ADGRL3: variants seen among roughly 807,000 people sequenced by gnomAD.
The protein encoded by ADGRL3 is adhesion G protein-coupled receptor L3, also known as calcium-independent alpha-latrotoxin receptor 3.
ADGRL3 carries 62 observed loss-of-function variants against 153.5 expected under a neutral mutation model. That is an observed-to-expected ratio of 0.40 (90% confidence interval 0.33 to 0.50). ADGRL3 has a LOEUF of 0.50. Ranked by LOEUF, ADGRL3 falls within the 20% of genes least tolerant of loss-of-function variation. The probability of loss-of-function intolerance (pLI) is 0.47; values close to 1 mark genes in which losing one functional copy is unlikely to be tolerated. For missense variants in ADGRL3, 1,641 were observed against 1,859.4 expected (o/e 0.88, Z 2.16); for synonymous variants, 710 against 672.5 (o/e 1.06, Z -0.86).
chr4:61,915,204 G>GT (rs1278539424), intron 13 of ADGRL3, among the ~76,000 whole-genome samples: 2 of 149,794 alleles, frequency 1.3e-5, no homozygotes, highest in African/African-American at 4.9e-5. Flanking sequence ...TTTTTCTAAG[G>GT]TTTTGGGGAA....
chr4:61,373,471 G>A (rs1015807231), intron 1 of ADGRL3, among the ~76,000 whole-genome samples: 1 of 151,950 alleles, frequency 6.6e-6, no homozygotes, highest in African/African-American at 2.4e-5. Flanking sequence ...ATTGTTAAGG[G>A]GGAAAGTAGA....
In ADGRL3 at chr4:61,270,962, AAAG is replaced by A. The variant is rs1470086048; in HGVS notation, c.-240+69202_-240+69204del. Among the ~76,000 whole-genome samples, 6 of 151,820 alleles carry A rather than the reference AAAG, an allele frequency of 4.0e-5. No homozygotes were observed. The South Asian group carries it at 1.0e-3, about 26-fold the overall frequency. On this transcript the variant is annotated intron_variant, in intron 1 of 26. Coordinates refer to ENST00000683033, the MANE Select transcript of ADGRL3 (RefSeq NM_001387552.1). ...AGCTGAGGAAACCTGTGGTTACAGG[AAAG>A]AAGAGTAAACAGTATCAGTTATTGA...
chr4:61,526,582 A>G (rs1482091023), intron 4 of ADGRL3, among the ~76,000 whole-genome samples: 1 of 151,978 alleles, frequency 6.6e-6, no homozygotes. Flanking sequence ...GTTTGAAACC[A>G]GCCTAGGTAA....
chr4:61,799,093 A>G (rs2097456378), intron 8 of ADGRL3, among the ~76,000 whole-genome samples: 1 of 148,554 alleles, frequency 6.7e-6, no homozygotes, highest in South Asian at 2.1e-4. Context: ...GGATAGATAG[A>G]TAGATAGATA....
chr4:61,541,382 G>T (rs1236651779), intron 4 of ADGRL3, among the ~76,000 whole-genome samples: 1 of 143,736 alleles, frequency 7.0e-6, no homozygotes, highest in Non-Finnish European at 1.5e-5. Flanking sequence ...TGACACCTGG[G>T]CAAGTAACAT....
chr4:61,978,218 CAT>C (rs2099054732), intron 17 of ADGRL3, among the ~76,000 whole-genome samples: 1 of 152,062 alleles, frequency 6.6e-6, no homozygotes, highest in Non-Finnish European at 1.5e-5. Context: ...TTCCCATGTA[CAT>C]GTTTATACTT....
chr4:61,578,727 A>G (rs1157636488), intron 4 of ADGRL3, among the ~76,000 whole-genome samples: 2 of 152,046 alleles, frequency 1.3e-5, no homozygotes, highest in Non-Finnish European at 1.5e-5. Flanking sequence ...TTTCATCTTT[A>G]AAGACCAACT....
chr4:61,403,908 T>C (rs1229601023), intron 2 of ADGRL3, among the ~76,000 whole-genome samples: 4 of 152,040 alleles, frequency 2.6e-5, no homozygotes, highest in African/African-American at 4.8e-5. Context: ...TTGAGAATAA[T>C]AGTAGTATAG....
intron 1 of ADGRL3, among the ~76,000 whole-genome samples, chr4:61,339,684 A>C (rs892865981): frequency 6.6e-6 from 1 of 152,258 alleles, no homozygotes; most frequent in Non-Finnish European, 1.5e-5. Context: ...AATTCTTTTG[A>C]ATTTGTTCTA....
intron 9 of ADGRL3, among the ~76,000 whole-genome samples, chr4:61,885,869 C>T (rs2098535747): frequency 6.6e-6 from 1 of 152,054 alleles, no homozygotes; most frequent in Non-Finnish European, 1.5e-5. Context: ...CTAAATTAGA[C>T]AGCACATATG....
intron 19 of ADGRL3, among the ~76,000 whole-genome samples, chr4:61,990,952 C>CTGTG (rs34294452): frequency 0.089 from 12,618 of 142,210 alleles, 586 homozygotes; most frequent in Non-Finnish European, 0.097. Flanking sequence ...ATGTTTGAAA[C>CTGTG]TGTGTGTGTG....
intron 1 of ADGRL3, among the ~76,000 whole-genome samples, chr4:61,265,017 G>A (rs538159631): frequency 4.2e-4 from 64 of 151,944 alleles, no homozygotes; most frequent in Non-Finnish European, 6.9e-4. Context: ...AGGCAAGAGA[G>A]CATTCGTAGG....
Position 61,977,838 on chromosome 4 carries a change from G to A in ADGRL3, c.2806-1725G>A, listed in dbSNP as rs190485235. Among the ~76,000 whole-genome samples the A allele has an allele frequency of 3.9e-5, 6 of 152,118 alleles. No individual in the cohort carries two copies. The East Asian group carries it at 1.2e-3, about 30-fold the overall frequency. On this transcript the variant is annotated intron_variant, in intron 17 of 26. Coordinates refer to ENST00000683033, the MANE Select transcript of ADGRL3 (RefSeq NM_001387552.1). ...ATTCATGGGGTACATGGGCAGGTTT[G>A]TTACATAGGTGTATTGTGTGATGCT...
chr4:61,681,233 C>T (rs377657237), intron 6 of ADGRL3, among the ~76,000 whole-genome samples: 44 of 152,202 alleles, frequency 2.9e-4, no homozygotes, highest in African/African-American at 1.0e-3. Flanking sequence ...AATAAAACAA[C>T]TAACCACCTA....
intron 15 of ADGRL3, among the ~76,000 whole-genome samples, chr4:61,946,495 A>G (rs531002447): frequency 1.3e-5 from 2 of 151,886 alleles, no homozygotes; most frequent in African/African-American, 2.4e-5. Flanking sequence ...TGTTTTCTTA[A>G]TGATATATTT....
chr4:61,580,035 T>C (rs1031738851), intron 4 of ADGRL3, among the ~76,000 whole-genome samples: 2 of 152,104 alleles, frequency 1.3e-5, no homozygotes, highest in Non-Finnish European at 2.9e-5. Flanking sequence ...TACATGTATT[T>C]AAGAAAATTA....
Position 61,655,097 on chromosome 4 carries a change from G to A in ADGRL3, c.474-21729G>A, listed in dbSNP as rs1426064852. Among the ~76,000 whole-genome samples, 4 of 151,946 alleles carry A rather than the reference G, an allele frequency of 2.6e-5. No individual in the cohort carries two copies. In the East Asian group the frequency reaches 7.7e-4, roughly 29 times the overall value. ...AGCTGTATTAAAATATAATAATATTGTGTTCTTTGTGGCCAGCAGTGTACT... is the reference window on the plus strand; with the variant it reads ...AGCTGTATTAAAATATAATAATATTATGTTCTTTGTGGCCAGCAGTGTACT... On this transcript the variant is annotated intron_variant, in intron 5 of 26. Coordinates refer to ENST00000683033, the MANE Select transcript of ADGRL3 (RefSeq NM_001387552.1).
chr4:61,687,438 G>A (rs1436001525), intron 6 of ADGRL3, among the ~76,000 whole-genome samples: 2 of 151,872 alleles, frequency 1.3e-5, no homozygotes, highest in African/African-American at 4.8e-5. Flanking sequence ...CATAGAAGAT[G>A]GAGGAAGGAG....
rs144288115 is a variant in ADGRL3 at position 62,059,635 on chromosome 4, A to G, written c.3815-8531A>G. Among the ~76,000 whole-genome samples, 436 of 152,244 alleles carry G rather than the reference A, an allele frequency of 2.9e-3. 1 individual carries two copies. Among genetic ancestry groups the G allele is most frequent in the Admixed American group, 0.023 (355 of 15,262 alleles). On this transcript the variant is annotated intron_variant, in intron 25 of 26. Transcript: ENST00000683033. ...AGTGTAACCAGCAAATAGATCTCCA[A>G]TTATGACTGCATGACACTCATTATA...
Sources: gnomAD v4.1 joint callset for allele counts (sites outside exome capture counted in the v4.1 genomes callset) on GRCh38, gnomAD v4.1.1 for gene constraint, MANE v1.5 for transcripts, NCBI Gene and HGNC (gene_info 2026-07-23, HGNC 2026-07-21) for gene names.